The following PLCH2 variants were observed in gnomAD, a reference collection of about 807,000 sequenced individuals.
PLCH2 encodes 1-phosphatidylinositol 4,5-bisphosphate phosphodiesterase eta-2.
In PLCH2, 98 loss-of-function variants were observed where a neutral mutation model predicts 134.7. The observed-to-expected ratio is 0.73, with a 90% confidence interval of 0.62 to 0.86. The LOEUF (loss-of-function observed/expected upper bound fraction) is 0.86. Among genes scored for constraint, PLCH2 ranks in the 40% least tolerant of loss-of-function variants. The pLI is 0.00. For synonymous variants in PLCH2, 974 were observed against 827.5 expected, an observed-to-expected ratio of 1.18 and a Z score of -3.04; for missense variants, 1,994 against 1,986.6, an observed-to-expected ratio of 1.00 and a Z score of -0.07.
intron 6 of PLCH2, 35 bp downstream of exon 6, chr1:2,487,035 G>A: frequency 6.4e-7 from 1 of 1,559,486 alleles, no homozygotes; most frequent in Non-Finnish European, 8.7e-7. Context: ...CAGCTGTCCT[G>A]GGATGCTGGA....
chr1:2,457,346 G>A (rs543857778), intron 2 of PLCH2, among the ~76,000 whole-genome samples: 27 of 152,084 alleles, frequency 1.8e-4, no homozygotes, highest in African/African-American at 6.5e-4. Context: ...GCTGGGACCT[G>A]TGAGTGGCCA....
At chr1:2,483,774 C>CAT (rs1642107921) in intron 4 of PLCH2, among the ~76,000 whole-genome samples, 1 of 52,320 alleles carries the variant, frequency 1.9e-5, no homozygotes, top group Non-Finnish European at 3.9e-5. Context: ...TGGGGGGGCG[C>CAT]TGACCCCCGT....
At chr1:2,495,693 G>GC (rs534370243) in intron 13 of PLCH2, 123 bp downstream of exon 13, 1 of 644,434 alleles carries the variant, frequency 1.6e-6, no homozygotes, top group South Asian at 2.1e-5. Context: ...CCCCTTCTTG[G>GC]CCCCTGGAAG....
At position 2,498,690 on chromosome 1, in the gene PLCH2, G is replaced by A; in HGVS notation, c.2349+43G>A. 6.5e-7 allele frequency: 1 copy of A among 1,533,724 alleles called. No individual in the cohort carries two copies. Among genetic ancestry groups the A allele is most frequent in the Non-Finnish European group, 8.9e-7 (1 of 1,127,606 alleles). ...ACAGGCGGGAGGGGTGGGAGTTGGG[G>A]GCGGGCCGGGCATCGCGATGGGCCC... On this transcript the variant is annotated intron_variant, in intron 17 of 21. Transcript: ENST00000378486. The surrounding 1 kb of genome is among the most constrained non-coding windows in gnomAD (Gnocchi z 5.4).
chr1:2,482,239 G>C (rs1488558432), intron 4 of PLCH2, among the ~76,000 whole-genome samples: 1 of 152,208 alleles, frequency 6.6e-6, no homozygotes, highest in East Asian at 1.9e-4. Flanking sequence ...GGCTCACCCT[G>C]GCACATAGCC....
intron 2 of PLCH2, among the ~76,000 whole-genome samples, chr1:2,435,670 G>C (rs34247178): frequency 1.3e-5 from 2 of 152,096 alleles, no homozygotes; most frequent in East Asian, 3.9e-4. Flanking sequence ...CTGGCCTGTT[G>C]TGATCTCCAG....
intron 1 of PLCH2, among the ~76,000 whole-genome samples, chr1:2,426,747 C>T (rs1196568432): frequency 5.3e-5 from 8 of 152,246 alleles, no homozygotes; most frequent in African/African-American, 1.9e-4. Flanking sequence ...CTCGCACTTC[C>T]TGACACGGTT....
Position 2,494,271 on chromosome 1 carries a change from G to T in PLCH2, c.1660-585G>T, listed in dbSNP as rs181329546. On this transcript the variant is annotated intron_variant, in intron 11 of 21. Transcript: ENST00000378486. ...CTCGTGAGGCAGCCCTGGGTTCGGCGGGGGGCAGGCAGGGTAGCCCTGGAT... is the reference window on the plus strand; with the variant it reads ...CTCGTGAGGCAGCCCTGGGTTCGGCTGGGGGCAGGCAGGGTAGCCCTGGAT... 27 of 160,460 alleles carry T rather than the reference G, an allele frequency of 1.7e-4. No homozygotes were observed. In the East Asian group the frequency reaches 2.7e-3, roughly 16 times the overall value. The allele number at this position is 160,460 out of a possible 1,614,324, so 9.9% of individuals were successfully genotyped here.
intron 2 of PLCH2, among the ~76,000 whole-genome samples, chr1:2,450,636 C>T (rs867218316): frequency 1.6e-3 from 134 of 82,918 alleles, no homozygotes; most frequent in South Asian, 3.1e-3. Flanking sequence ...CAACTCCCCC[C>T]CTGCCCCCCG....
chr1:2,445,935 A>G (rs1639922382), intron 2 of PLCH2, among the ~76,000 whole-genome samples: 1 of 152,168 alleles, frequency 6.6e-6, no homozygotes, highest in Admixed American at 6.5e-5. Flanking sequence ...CTGCTGTCGC[A>G]CCCACAGTGC....
At position 2,504,279 on chromosome 1, in the gene PLCH2, G is replaced by A; in HGVS notation, c.3317G>A (p.Gly1106Glu). ...SEGQVPTEPL[G>E]GWRPLAAPFP... ...GGGCAGGTGCCCACGGAGCCCCTGG[G>A]AGGGTGGCGGCCCCTGGCCGCTCCC... Residue 1106 changes from glycine to glutamate, a missense_variant, in exon 22 of 22, where the codon GGA (glycine) becomes GAA (glutamate). By Grantham distance (98) the Gly-to-Glu change is moderately conservative. Around this residue, in one of 2 missense-constraint regions of PLCH2, gnomAD observed 900 missense variants for 752.3 expected, o/e 1.20. Coordinates refer to ENST00000378486, the MANE Select transcript of PLCH2 (RefSeq NM_014638.4). 1 of 1,595,066 alleles carries A rather than the reference G, an allele frequency of 6.3e-7. No homozygotes were observed. Among genetic ancestry groups the A allele is most frequent in the Non-Finnish European group, 8.5e-7 (1 of 1,173,058 alleles).
intron 21 of PLCH2, 77 bp downstream of exon 21, chr1:2,502,486 T>A (rs1375014187): frequency 2.2e-6 from 3 of 1,385,502 alleles, no homozygotes. Context: ...GCCCCGGGCC[T>A]GCTGGGATGG....
At chr1:2,473,455 C>T (rs186861292), upstream of PLCH2, among the ~76,000 whole-genome samples, 102 of 152,358 alleles carry the variant, frequency 6.7e-4, 1 homozygote, top group African/African-American at 2.0e-3. Flanking sequence ...TCCACCCATC[C>T]GCCCATCTGG....
intron 7 of PLCH2, 81 bp downstream of exon 7, chr1:2,487,457 G>T: frequency 6.7e-7 from 1 of 1,483,702 alleles, no homozygotes. Context: ...CCCCCGGGGG[G>T]ATCTCTGGGC....
chr1:2,420,116 C>A, the PLCH2 span, among the ~76,000 whole-genome samples: 1 of 151,960 alleles, frequency 6.6e-6, no homozygotes, highest in Non-Finnish European at 1.5e-5. Flanking sequence ...GGTCATTGGT[C>A]AGGAGCTCAT....
In PLCH2 at chr1:2,484,028, T is replaced by A. The variant is rs1263876717; in HGVS notation, c.646-420T>A. ...GTGTGGGGGGGCGCTGACTCCCGTG[T>A]GGGTGGCGCTGACTCCCGTGTGGGT... On this transcript the variant is annotated intron_variant, in intron 4 of 21. Coordinates refer to ENST00000378486, the MANE Select transcript of PLCH2 (RefSeq NM_014638.4). Among the ~76,000 whole-genome samples, 2 of 111,884 alleles carry A rather than the reference T, an allele frequency of 1.8e-5. 1 individual carries two copies. The highest frequency in any genetic ancestry group is 7.4e-5 in the African/African-American group (2 of 27,136). 73.4% of individuals were successfully genotyped at this position (111,884 alleles called of 152,430 possible).
chr1:2,476,746 T>C (rs1266525654), intron 1 of PLCH2, 34 bp downstream of exon 1: 1 of 1,558,892 alleles, frequency 6.4e-7, no homozygotes, highest in South Asian at 1.2e-5. Context: ...CTGGGCTGAG[T>C]GCTGGCCCTG....
At position 2,485,456 on chromosome 1, in the gene PLCH2, C is replaced by T. The variant is rs1362791824; in HGVS notation, c.816+838C>T. ...GGAGTGCAGGTGAGGACCCTGGACC[C>T]TCCTCAGGGAGGAGAGCAGGGACAG... On this transcript the variant is annotated intron_variant, in intron 5 of 21. Transcript: ENST00000378486. Among the ~76,000 whole-genome samples, 3 of 152,228 alleles carry T rather than the reference C, an allele frequency of 2.0e-5. No individual in the cohort carries two copies. The East Asian group carries it at 5.8e-4, about 29-fold the overall frequency.
At chr1:2,496,755 A>G in intron 14 of PLCH2, 51 bp downstream of exon 14, 1 of 1,610,672 alleles carries the variant, frequency 6.2e-7, no homozygotes, top group Non-Finnish European at 8.5e-7. Flanking sequence ...CCTGTCCCCC[A>G]TCCCTGCTAT....
Sources: gnomAD v4.1 joint callset for allele counts (sites outside exome capture counted in the v4.1 genomes callset) on GRCh38, gnomAD v4.1.1 for gene constraint, gnomAD v4.1.1 regional missense constraint, Gnocchi (gnomAD v3.1) non-coding constraint, MANE v1.5 for transcripts, NCBI Gene and HGNC (gene_info 2026-07-23, HGNC 2026-07-21) for gene names.